The following CHM variants were observed in gnomAD, a reference collection of about 807,000 sequenced individuals.
CHM encodes CHM Rab escort protein.
CHM carries 10 observed loss-of-function variants against 49.0 expected under a neutral mutation model. That is an observed-to-expected ratio of 0.20 (90% CI 0.13 to 0.35). The LOEUF (loss-of-function observed/expected upper bound fraction) is 0.35. Ranked by LOEUF, CHM falls within the 10% of genes least tolerant of loss-of-function variation. CHM has a pLI of 1.00. For missense variants in CHM, 455 were observed against 478.4 expected, an observed-to-expected ratio of 0.95 and a Z score of 0.46; for synonymous variants, 184 against 167.5, an observed-to-expected ratio of 1.10 and a Z score of -0.76.
At chrX:85,935,892 C>A (rs1412923983) in intron 8 of CHM, among the ~76,000 whole-genome samples, 2 of 112,221 alleles carry the variant, frequency 1.8e-5, no homozygotes, top group African/African-American at 6.5e-5. Flanking sequence ...TCAGTCCTAA[C>A]AGAGTTCTTT....
At chrX:85,950,594 AG>A (rs1234886445) in intron 8 of CHM, among the ~76,000 whole-genome samples, 2 of 109,734 alleles carry the variant, frequency 1.8e-5, no homozygotes, top group Non-Finnish European at 3.8e-5. Context: ...TTACCTACTT[AG>A]GGTTCCAAAA....
intron 8 of CHM, among the ~76,000 whole-genome samples, chrX:85,937,791 T>C (rs747070507): frequency 9.7e-6 from 1 of 103,053 alleles, no homozygotes; most frequent in African/African-American, 3.6e-5. Flanking sequence ...TTGCAGTGAG[T>C]CGAGATCCTG....
intron 8 of CHM, among the ~76,000 whole-genome samples, chrX:85,943,374 C>A (rs182790037): frequency 2.3e-3 from 258 of 112,259 alleles, no homozygotes; most frequent in African/African-American, 8.1e-3. Context: ...GGCTCCTCAG[C>A]ATTAATGCTT....
chrX:85,950,009 A>C (rs893355394), intron 8 of CHM, among the ~76,000 whole-genome samples: 3 of 81,293 alleles, frequency 3.7e-5, no homozygotes, highest in African/African-American at 1.4e-4. Context: ...ATATATATAT[A>C]TCTTGTAATG....
At chrX:86,013,237 C>G (rs2147770034) in intron 2 of CHM, among the ~76,000 whole-genome samples, 1 of 111,071 alleles carries the variant, frequency 9.0e-6, no homozygotes, top group Non-Finnish European at 1.9e-5. Context: ...TCTTCCTGAA[C>G]ACAGGAAAAG....
chrX:85,886,366 C>T (rs6623536), intron 12 of CHM, among the ~76,000 whole-genome samples: 35 of 111,586 alleles, frequency 3.1e-4, no homozygotes, highest in African/African-American at 1.1e-3. Flanking sequence ...CTATTGTGCT[C>T]AGGATATGCT....
At chrX:85,928,536 C>T (rs1477487412) in intron 8 of CHM, among the ~76,000 whole-genome samples, 2 of 111,012 alleles carry the variant, frequency 1.8e-5, no homozygotes, top group East Asian at 2.8e-4. Context: ...AGCAAGACTC[C>T]GTTTCAAAAA....
chrX:85,925,381 T>C (rs1928023054), intron 8 of CHM, among the ~76,000 whole-genome samples: 1 of 111,805 alleles, frequency 8.9e-6, no homozygotes, highest in African/African-American at 3.2e-5. Context: ...AAACACATCA[T>C]AATTTAAACT....
chrX:85,939,289 A>G (rs901818875), intron 8 of CHM, among the ~76,000 whole-genome samples: 1 of 112,633 alleles, frequency 8.9e-6, no homozygotes, highest in South Asian at 3.6e-4. Context: ...TAAAAAATGT[A>G]GAAGAAAATA....
At chrX:85,963,433 A>C (rs1355670662) in intron 5 of CHM, among the ~76,000 whole-genome samples, 2 of 112,741 alleles carry the variant, frequency 1.8e-5, no homozygotes, top group African/African-American at 3.2e-5. Context: ...GTATGTGCTC[A>C]AGCACAAAAG....
chrX:85,937,781 T>C (rs997657901), intron 8 of CHM, among the ~76,000 whole-genome samples: 2 of 106,926 alleles, frequency 1.9e-5, no homozygotes, highest in African/African-American at 3.4e-5. Flanking sequence ...GAGGCAGAGG[T>C]TGCAGTGAGT....
At position 85,880,759 on chromosome X, in the gene CHM, C is replaced by G. The variant is rs151141069; in HGVS notation, c.1511-1696G>C. Among the ~76,000 whole-genome samples, 767 of 111,451 alleles carry G rather than the reference C, an allele frequency of 6.9e-3. 7 individuals carry two copies. The highest frequency in any genetic ancestry group is 0.024 in the African/African-American group (748 of 30,802). On this transcript the variant is annotated intron_variant, in intron 12 of 14. Coordinates refer to ENST00000357749, the MANE Select transcript of CHM (RefSeq NM_000390.4). ...TTAATGAGTTTTATAACAATTCTTA[C>G]AAAGACATTCATAAGCTGAATTATA...
At chrX:86,011,212 T>G (rs1023702333) in intron 2 of CHM, among the ~76,000 whole-genome samples, 3 of 111,180 alleles carry the variant, frequency 2.7e-5, no homozygotes, top group Non-Finnish European at 5.7e-5. Flanking sequence ...AATAATACAG[T>G]ATGAAAAATG....
rs1930431444 is a variant in CHM, at chrX:85,963,897, T to C, written c.470A>G (p.Gln157Arg). Residue 157 changes from glutamine to arginine, a missense_variant, in exon 5 of 15, where the codon CAA becomes CGA. By Grantham distance (43) the Gln-to-Arg change is conservative. Coordinates refer to ENST00000357749, the MANE Select transcript of CHM (RefSeq NM_000390.4). ...STMSCEMLTE[Q>R]TPSSDPENAL... is the part of the protein sequence containing the mutation. The stretch of plus-strand genomic sequence containing the variant: ...ATTCTCTGGATCGCTGCTTGGAGTT[T>C]GTTCTGTGAGCATTTCACAGCTCAT... 4.1e-6 allele frequency: 5 copies of C among 1,209,199 alleles called. No homozygotes were observed. The highest frequency in any genetic ancestry group is 5.6e-6 in the Non-Finnish European group (5 of 895,174).
chrX:85,906,894 G>C (rs1926622891), intron 9 of CHM, among the ~76,000 whole-genome samples: 1 of 111,911 alleles, frequency 8.9e-6, no homozygotes, highest in Non-Finnish European at 1.9e-5. Flanking sequence ...AGCACTCTGG[G>C]AGGCTGAGGC....
At chrX:85,896,555 T>G (rs145454092) in intron 11 of CHM, among the ~76,000 whole-genome samples, 3,616 of 109,999 alleles carry the variant, frequency 0.033, 66 homozygotes, top group Middle Eastern at 0.12. Context: ...GCTTAGCATG[T>G]GGGCCAGACA....
intron 1 of CHM, among the ~76,000 whole-genome samples, chrX:86,046,924 AG>A (rs754513605): frequency 1.9e-4 from 21 of 111,810 alleles, no homozygotes; most frequent in South Asian, 7.6e-4. Context: ...AAAATTCCCT[AG>A]GTTTCTCAAC....
intron 9 of CHM, among the ~76,000 whole-genome samples, chrX:85,908,995 C>T (rs1926767172): frequency 9.0e-6 from 1 of 111,419 alleles, no homozygotes; most frequent in Non-Finnish European, 1.9e-5. Context: ...AGAACTCAAC[C>T]AAGGCATGTC....
intron 1 of CHM, 151 bp downstream of exon 1, chrX:86,047,333 C>T: frequency 5.5e-6 from 3 of 541,586 alleles, no homozygotes; most frequent in Non-Finnish European, 9.8e-6. Flanking sequence ...ACTGCCAACT[C>T]CCGCGCTGAC....
Sources: gnomAD v4.1 joint callset for allele counts (sites outside exome capture counted in the v4.1 genomes callset) on GRCh38, gnomAD v4.1.1 for gene constraint, MANE v1.5 for transcripts, NCBI Gene and HGNC (gene_info 2026-07-23, HGNC 2026-07-21) for gene names.